The following ACACA variants were observed in gnomAD, a reference collection of about 807,000 sequenced individuals.
The protein encoded by ACACA is acetyl-CoA carboxylase 1.
In ACACA, 103 loss-of-function variants were observed where a neutral mutation model predicts 296.1. The observed-to-expected ratio is 0.35, with a 90% CI of 0.30 to 0.41. ACACA has a LOEUF of 0.41. ACACA is among the 10% of genes least tolerant of loss of function. The pLI is 1.00. For synonymous variants in ACACA, 953 were observed against 1,038.6 expected (o/e 0.92, Z 1.58); for missense variants, 1,554 against 2,989.7 (o/e 0.52, Z 11.20).
chr17:37,335,062 G>C (rs947832944), intron 2 of ACACA, among the ~76,000 whole-genome samples: 1 of 152,008 alleles, frequency 6.6e-6, no homozygotes, highest in Non-Finnish European at 1.5e-5. Context: ...ACACATAAAG[G>C]AAGTAATCTC....
chr17:37,164,284 C>T (rs1289479012), intron 41 of ACACA, among the ~76,000 whole-genome samples: 1 of 152,166 alleles, frequency 6.6e-6, no homozygotes, highest in Non-Finnish European at 1.5e-5. Context: ...CCACATGCAT[C>T]ACCCAGACTC....
chr17:37,243,663 C>T, intron 21 of ACACA, 104 bp from the exon 22 acceptor site: 1 of 1,196,200 alleles, frequency 8.4e-7, no homozygotes, highest in South Asian at 1.2e-5. Flanking sequence ...GGTTCCAGAA[C>T]CACCACTCAT....
At chr17:37,327,647 A>C (rs1266552758) in intron 3 of ACACA, among the ~76,000 whole-genome samples, 1 of 152,200 alleles carries the variant, frequency 6.6e-6, no homozygotes, top group Non-Finnish European at 1.5e-5. Flanking sequence ...CATTTATCTC[A>C]CCATAGCCAA....
intron 3 of ACACA, among the ~76,000 whole-genome samples, chr17:37,316,126 AT>A (rs1342339758): frequency 3.3e-5 from 5 of 152,116 alleles, no homozygotes; most frequent in African/African-American, 1.2e-4. Flanking sequence ...TTATCACAGT[AT>A]GACATGAAAG....
intron 52 of ACACA, among the ~76,000 whole-genome samples, chr17:37,104,017 T>C (rs1159727896): frequency 6.6e-6 from 1 of 152,168 alleles, no homozygotes; most frequent in Admixed American, 6.5e-5. Flanking sequence ...CACTCCAGCC[T>C]AGGTCAGGAG....
chr17:37,116,910 A>G (rs1425817713), intron 50 of ACACA, among the ~76,000 whole-genome samples: 1 of 152,240 alleles, frequency 6.6e-6, no homozygotes, highest in African/African-American at 2.4e-5. Context: ...CGTGCTGTCA[A>G]TTCTCAGGCC....
chr17:37,365,483 T>G (rs2049575241), intron 1 of ACACA: 1 of 985,338 alleles, frequency 1.0e-6, no homozygotes, highest in African/African-American at 1.7e-5. Context: ...TTATCCGTCT[T>G]CACGTTGTCT....
intron 3 of ACACA, among the ~76,000 whole-genome samples, chr17:37,294,624 T>C (rs1186641464): frequency 6.6e-6 from 1 of 152,236 alleles, no homozygotes; most frequent in Non-Finnish European, 1.5e-5. Context: ...CCACAGCAGT[T>C]TGACACATGC....
chr17:37,392,991 A>T (rs1215612826), intron 1 of ACACA, among the ~76,000 whole-genome samples: 4 of 151,906 alleles, frequency 2.6e-5, no homozygotes, highest in African/African-American at 4.8e-5. Context: ...AACATACAAA[A>T]ATTAGCCGGG....
chr17:37,213,242 G>C (rs1469613492), intron 29 of ACACA, among the ~76,000 whole-genome samples: 1 of 150,834 alleles, frequency 6.6e-6, no homozygotes, highest in Non-Finnish European at 1.5e-5. Context: ...TGTAATCCTA[G>C]CTACTCCGAA....
chr17:37,117,969 C>A (rs1046492438), intron 50 of ACACA, among the ~76,000 whole-genome samples: 1 of 152,106 alleles, frequency 6.6e-6, no homozygotes, highest in Non-Finnish European at 1.5e-5. Flanking sequence ...CCTGCATAAT[C>A]CCCAGCCAGT....
intron 1 of ACACA, among the ~76,000 whole-genome samples, chr17:37,341,309 T>C (rs762578951): frequency 6.6e-6 from 1 of 152,228 alleles, no homozygotes; most frequent in Non-Finnish European, 1.5e-5. Flanking sequence ...CCATAGTTTA[T>C]GACAGTATCC....
At chr17:37,297,869 G>T (rs1333780719) in intron 3 of ACACA, among the ~76,000 whole-genome samples, 3 of 151,656 alleles carry the variant, frequency 2.0e-5, no homozygotes, top group Non-Finnish European at 4.4e-5. Flanking sequence ...ATACATTTTT[G>T]AAATATATAT....
At chr17:37,228,101 G>A (rs2079636003) in intron 25 of ACACA, among the ~76,000 whole-genome samples, 1 of 150,310 alleles carries the variant, frequency 6.7e-6, no homozygotes, top group Non-Finnish European at 1.5e-5. Flanking sequence ...AATAAATGCA[G>A]TATAAATAAA....
chr17:37,234,728 A>C (rs1285875137), intron 25 of ACACA, among the ~76,000 whole-genome samples: 1 of 152,190 alleles, frequency 6.6e-6, no homozygotes, highest in Non-Finnish European at 1.5e-5. Context: ...CAGAGTTAGG[A>C]GGTATAAGTT....
chr17:37,136,957 CA>C, intron 45 of ACACA, among the ~76,000 whole-genome samples: 1 of 148,834 alleles, frequency 6.7e-6, no homozygotes, highest in East Asian at 2.0e-4. Context: ...AAAAAAAAAG[CA>C]AAAAACAAAA....
At chr17:37,363,174 TTTTTC>T (rs1303726844) in intron 1 of ACACA, among the ~76,000 whole-genome samples, 1 of 133,900 alleles carries the variant, frequency 7.5e-6, no homozygotes, top group African/African-American at 3.1e-5. Flanking sequence ...TCTCTTTCTC[TTTTTC>T]TTTTTTTTTT....
intron 3 of ACACA, among the ~76,000 whole-genome samples, chr17:37,286,186 G>A (rs1189120952): frequency 6.6e-6 from 1 of 152,132 alleles, no homozygotes; most frequent in East Asian, 1.9e-4. Flanking sequence ...CACCGCGCCT[G>A]GCTGGCAGTA....
intron 41 of ACACA, among the ~76,000 whole-genome samples, chr17:37,170,001 G>A (rs547908946): frequency 4.9e-4 from 74 of 152,130 alleles, no homozygotes; most frequent in Non-Finnish European, 8.1e-4. Flanking sequence ...CTCATGCACT[G>A]ACTAAACAAG....
Sources: allele counts gnomAD v4.1 joint callset (sites outside exome capture counted in the v4.1 genomes callset), GRCh38; gene constraint gnomAD v4.1.1; transcripts MANE v1.5; gene names NCBI Gene and HGNC (gene_info 2026-07-23, HGNC 2026-07-21).